The following ASMT variants were observed in gnomAD, a reference collection of about 807,000 sequenced individuals.
The protein encoded by ASMT is acetylserotonin N-methyltransferase.
In ASMT, 53 loss-of-function variants were observed where a neutral mutation model predicts 41.3. The ratio of observed to expected loss-of-function variants is 1.28; its 90% CI spans 1.03 to 1.61. The LOEUF (loss-of-function observed/expected upper bound fraction) is 1.61, where lower values mean the gene tolerates loss of function less well. Ranked by LOEUF, ASMT falls within the 40% of genes most tolerant of loss-of-function variation. The pLI is 0.00. For missense variants in ASMT, 531 were observed against 441.3 expected (o/e 1.20, Z -1.82); for synonymous variants, 231 against 184.8 (o/e 1.25, Z -2.03).
chrX:1,619,198 A>AG, intron 1 of ASMT, among the ~76,000 whole-genome samples: 1 of 152,184 alleles, frequency 6.6e-6, no homozygotes, highest in East Asian at 1.9e-4. Context: ...GTTCGAGACC[A>AG]GCCTGGCCAA....
intron 1 of ASMT, among the ~76,000 whole-genome samples, chrX:1,616,909 C>T (rs1360155736): frequency 1.8e-3 from 280 of 151,792 alleles, no homozygotes; most frequent in Non-Finnish European, 3.4e-3. Flanking sequence ...GGGGTTTCAC[C>T]GTGTTAGCCA....
At chrX:1,617,640 A>G (rs1934185165) in intron 1 of ASMT, among the ~76,000 whole-genome samples, 2 of 148,272 alleles carry the variant, frequency 1.3e-5, no homozygotes, top group Admixed American at 1.3e-4. Flanking sequence ...TTTCAGACAG[A>G]GTTTCCCTCT....
At position 1,622,376 on chromosome X, in the gene ASMT, C is replaced by T. The variant is rs190694205; in HGVS notation, c.70-763C>T. Among the ~76,000 whole-genome samples the T allele has an allele frequency of 3.8e-3, 570 of 148,736 alleles. 16 individuals are homozygous for T. In the East Asian group the frequency reaches 0.079, roughly 21 times the overall value. On this transcript the variant is annotated intron_variant, in intron 1 of 8. Coordinates refer to ENST00000381241, the MANE Select transcript of ASMT (RefSeq NM_001171038.2). The stretch of plus-strand genomic sequence containing the variant: ...TGAGATCTCGGCTCACTGCAACCTC[C>T]GCTTAGCAGGTTCAAGCGATTCTCC...
At chrX:1,641,345 C>T (rs745471663) in intron 8 of ASMT, among the ~76,000 whole-genome samples, 1 of 109,434 alleles carries the variant, frequency 9.1e-6, no homozygotes, top group South Asian at 3.2e-4. Flanking sequence ...AGGATGTGGA[C>T]ACAGCCTCTG....
At chrX:1,642,153 T>C (rs1338738247) in intron 8 of ASMT, among the ~76,000 whole-genome samples, 23 of 146,942 alleles carry the variant, frequency 1.6e-4, no homozygotes, top group African/African-American at 5.5e-4. Context: ...CCCATCCTGA[T>C]GGTCCATGAG....
At chrX:1,629,261 G>A (rs1240288697) in intron 4 of ASMT, among the ~76,000 whole-genome samples, 10 of 152,066 alleles carry the variant, frequency 6.6e-5, no homozygotes, top group Non-Finnish European at 1.5e-4. Context: ...TTCAGCCCTC[G>A]CTACTCTGAG....
intron 1 of ASMT, among the ~76,000 whole-genome samples, chrX:1,616,004 A>C (rs1232350321): frequency 1.2e-4 from 18 of 151,734 alleles, no homozygotes; most frequent in African/African-American, 4.3e-4. Context: ...TTGAGGGTTC[A>C]CCCGTAGAGG....
chrX:1,623,010 T>G, intron 1 of ASMT, 129 bp from the exon 2 acceptor site: 1 of 816,284 alleles, frequency 1.2e-6, no homozygotes, highest in South Asian at 1.9e-5. Flanking sequence ...AAAAAAAAAA[T>G]AAATAAATGA....
At position 1,641,841 on chromosome X, in the gene ASMT, C is replaced by G. The variant is rs1189962054; in HGVS notation, c.911-962C>G. On this transcript the variant is annotated intron_variant, in intron 8 of 8. Transcript: ENST00000381241. Reference sequence around the variant, plus strand: ...TCTTGATGGTTCATGAGGACTTGGGCATGGCCTCTATGTGTGTGATGGGGA... The same window carrying G: ...TCTTGATGGTTCATGAGGACTTGGGGATGGCCTCTATGTGTGTGATGGGGA... 2.0e-5 allele frequency among the ~76,000 whole-genome samples: 3 copies of G among 146,402 alleles called. 1 individual carries two copies. In the Admixed American group the frequency reaches 2.2e-4, roughly 11 times the overall value.
At chrX:1,636,858 A>G (rs1421181246) in intron 8 of ASMT, among the ~76,000 whole-genome samples, 39 of 152,220 alleles carry the variant, frequency 2.6e-4, no homozygotes, top group Admixed American at 2.6e-3. Context: ...ACAGTGCCCC[A>G]CTGACTTCTG....
rs756516221 is a variant in ASMT, at chrX:1,633,005, T to C, written c.647-145T>C. The C allele has an allele frequency of 5.9e-6, 5 of 852,152 alleles. No individual in the cohort carries two copies. The Admixed American group carries it at 6.1e-5, about 10-fold the overall frequency. The allele number at this position is 852,152 out of a possible 1,614,324, so 52.8% of individuals were successfully genotyped here. A position where few individuals can be genotyped will look rare whatever the true frequency, so the allele number is the denominator to read the frequency against. On this transcript the variant is annotated intron_variant, in intron 6 of 8. Transcript: ENST00000381241. ...TGCACATGTACCCTAGAACTTAAAG[T>C]ATAATAAAAAGAAAAAAAAGACCAG...
intron 5 of ASMT, among the ~76,000 whole-genome samples, chrX:1,631,138 T>A (rs1389024093): frequency 2.6e-5 from 4 of 151,252 alleles, no homozygotes; most frequent in African/African-American, 9.7e-5. Flanking sequence ...ATGGTCTCGA[T>A]CTCCTGACCT....
chrX:1,627,977 G>A lies in ASMT; in HGVS notation c.443+206G>A, dbSNP rs58123647. 2,331 of 638,706 alleles carry A rather than the reference G, an allele frequency of 3.6e-3. 25 individuals carry two copies. The African/African-American group carries it at 0.038, about 10-fold the overall frequency. 39.6% of individuals were successfully genotyped at this position (638,706 alleles called of 1,614,324 possible). A position where few individuals can be genotyped will look rare whatever the true frequency, so the allele number is the denominator to read the frequency against. On this transcript the variant is annotated intron_variant, in intron 4 of 8. Transcript: ENST00000381241. ...GATCAAATTCCTGAGGAGGTGCAACGTGACCCTTCCTTCGAAAGGACTACT... is the reference window on the plus strand; with the variant it reads ...GATCAAATTCCTGAGGAGGTGCAACATGACCCTTCCTTCGAAAGGACTACT...
chrX:1,625,198 G>A (rs1392378103), intron 3 of ASMT, among the ~76,000 whole-genome samples: 4 of 147,462 alleles, frequency 2.7e-5, no homozygotes, highest in Non-Finnish European at 5.9e-5. Flanking sequence ...TATGCCTCCC[G>A]GGTTCACGCC....
In ASMT at chrX:1,628,058, C is replaced by T. The variant is rs1412278300; in HGVS notation, c.443+287C>T. ...GGCACGCGCCGGGCGCGGTGGCTCA[C>T]GCCTGTCATCCCAGAACTTTGGGAG... is the stretch of plus-strand genomic sequence containing the variant. On this transcript the variant is annotated intron_variant, in intron 4 of 8. Coordinates refer to ENST00000381241, the MANE Select transcript of ASMT (RefSeq NM_001171038.2). 5.6e-5 allele frequency: 28 copies of T among 502,600 alleles called. No individual in the cohort carries two copies. The Middle Eastern group carries it at 1.7e-3, about 30-fold the overall frequency. The allele number at this position is 502,600 out of a possible 1,614,324, so 31.1% of individuals were successfully genotyped here. A position where few individuals can be genotyped will look rare whatever the true frequency, so the allele number is the denominator to read the frequency against.
chrX:1,628,245 C>G (rs766353631), intron 4 of ASMT, among the ~76,000 whole-genome samples: 1 of 152,142 alleles, frequency 6.6e-6, no homozygotes, highest in Admixed American at 6.6e-5. Flanking sequence ...TGCTTGAACC[C>G]GGGAGGCGGA....
intron 3 of ASMT, 105 bp downstream of exon 3, chrX:1,624,503 C>T: frequency 7.4e-7 from 1 of 1,355,882 alleles, no homozygotes. Flanking sequence ...TGGTGGCTGA[C>T]CCCAGGCAGA....
intron 1 of ASMT, among the ~76,000 whole-genome samples, chrX:1,618,821 A>G (rs1350616221): frequency 2.6e-5 from 4 of 152,186 alleles, no homozygotes; most frequent in Non-Finnish European, 4.4e-5. Flanking sequence ...CTTTGACCGC[A>G]GGCCTCCTGC....
chrX:1,616,857 C>A (rs745910860), intron 1 of ASMT, among the ~76,000 whole-genome samples: 1 of 151,420 alleles, frequency 6.6e-6, no homozygotes, highest in Non-Finnish European at 1.5e-5. Flanking sequence ...TACAGGCACC[C>A]GCCACCACGC....
Sources: allele counts gnomAD v4.1 joint callset (sites outside exome capture counted in the v4.1 genomes callset), GRCh38; gene constraint gnomAD v4.1.1; transcripts MANE v1.5; gene names NCBI Gene and HGNC (gene_info 2026-07-23, HGNC 2026-07-21).